TRAF3: variants seen among roughly 807,000 people sequenced by gnomAD.
TRAF3 encodes TNF receptor associated factor 3, also known as TNF receptor-associated factor 3.
A neutral mutation model predicts 62.3 loss-of-function variants in TRAF3; 13 were observed. The observed-to-expected ratio is 0.21, with a 90% CI of 0.14 to 0.33. TRAF3 has a LOEUF of 0.33. Among genes scored for constraint, TRAF3 ranks in the 10% least tolerant of loss-of-function variants. The pLI is 1.00. For synonymous variants in TRAF3, 269 were observed against 283.4 expected (o/e 0.95, Z 0.51); for missense variants, 440 against 741.8 (o/e 0.59, Z 4.73).
intron 9 of TRAF3, among the ~76,000 whole-genome samples, chr14:102,894,909 C>T (rs562155124): frequency 6.6e-6 from 1 of 152,212 alleles, no homozygotes; most frequent in East Asian, 1.9e-4. Flanking sequence ...TGTTGTTATC[C>T]AGGCTGGTCT....
At position 102,905,654 on chromosome 14, in the gene TRAF3, G is replaced by A; in HGVS notation, c.1577G>A (p.Gly526Glu). 6.2e-7 allele frequency: 1 copy of A among 1,613,856 alleles called. No individual in the cohort carries two copies. Among genetic ancestry groups the A allele is most frequent in the Non-Finnish European group, 8.5e-7 (1 of 1,179,762 alleles). The change falls in exon 12 of 12, where the codon GGA becomes GAA. Residue 526 changes from glycine (G) to glutamate (E), a missense_variant. Coordinates refer to ENST00000392745, the MANE Select transcript of TRAF3 (RefSeq NM_145725.3). ...PNSSSFKKPT[G>E]EMNIASGCPV... The stretch of plus-strand genomic sequence containing the variant: ...AGCAGCAGCTTCAAGAAGCCCACTG[G>A]AGAGATGAATATCGCCTCTGGCTGC...
chr14:102,813,738 A>C (rs1396760868), intron 1 of TRAF3, among the ~76,000 whole-genome samples: 1 of 150,956 alleles, frequency 6.6e-6, no homozygotes, highest in Non-Finnish European at 1.5e-5. Flanking sequence ...GGCGTGAGCC[A>C]CCCACCTGGC....
intron 10 of TRAF3, among the ~76,000 whole-genome samples, chr14:102,897,864 C>A (rs755869756): frequency 6.6e-5 from 10 of 152,240 alleles, no homozygotes; most frequent in Non-Finnish European, 1.3e-4. Flanking sequence ...TCCACACGCA[C>A]CTCCAGAAGA....
chr14:102,834,742 ATC>A (rs1885886397), intron 2 of TRAF3, among the ~76,000 whole-genome samples: 1 of 151,842 alleles, frequency 6.6e-6, no homozygotes, highest in African/African-American at 2.4e-5. Flanking sequence ...ATGCACAAAA[ATC>A]AACAAAAGAT....
chr14:102,813,772 ATT>A (rs925252365), intron 1 of TRAF3, among the ~76,000 whole-genome samples: 2 of 145,138 alleles, frequency 1.4e-5, no homozygotes, highest in South Asian at 2.2e-4. Context: ...TTTTAATTGG[ATT>A]TTTTTTTTTT....
At position 102,910,231 on chromosome 14, in the gene TRAF3, C is replaced by G. The variant is rs1464612524; in HGVS notation, c.*4447C>G. On this transcript the variant is annotated 3_prime_UTR_variant, in exon 12 of 12. Transcript: ENST00000392745. ...GGGTAATTTGTGTGTCAGAAGGGCTCTGGCAGAGCTGTAAAATACTGTTTT... is the reference window on the plus strand; with the variant it reads ...GGGTAATTTGTGTGTCAGAAGGGCTGTGGCAGAGCTGTAAAATACTGTTTT... 2.0e-5 allele frequency: 3 copies of G among 152,238 alleles called. No homozygotes were observed. The highest frequency in any genetic ancestry group is 2.9e-5 in the Non-Finnish European group (2 of 68,046). 9.4% of individuals were successfully genotyped at this position (152,238 alleles called of 1,614,324 possible). A position where few individuals can be genotyped will look rare whatever the true frequency, so the allele number is the denominator to read the frequency against.
At chr14:102,850,269 T>C (rs1172825409) in intron 2 of TRAF3, among the ~76,000 whole-genome samples, 1 of 152,118 alleles carries the variant, frequency 6.6e-6, no homozygotes, top group African/African-American at 2.4e-5. Flanking sequence ...ATGAAAGAAT[T>C]TTCTTAAATA....
chr14:102,895,886 C>G (rs1240343848), intron 9 of TRAF3, among the ~76,000 whole-genome samples: 1 of 152,134 alleles, frequency 6.6e-6, no homozygotes, highest in Admixed American at 6.5e-5. Context: ...GAAGGGTATC[C>G]TCAGGCATCA....
chr14:102,892,439 G>A (rs1352644409), intron 9 of TRAF3, among the ~76,000 whole-genome samples: 3 of 152,236 alleles, frequency 2.0e-5, no homozygotes, highest in African/African-American at 7.2e-5. Flanking sequence ...CTGGTTCTCA[G>A]TGGAGTTTGT....
intron 1 of TRAF3, among the ~76,000 whole-genome samples, chr14:102,803,001 G>GA (rs1166902960): frequency 2.0e-5 from 3 of 152,156 alleles, no homozygotes; most frequent in Admixed American, 1.3e-4. Context: ...AGCAAAGGGG[G>GA]AAAAGCCCCT....
chr14:102,868,032 G>T (rs1037948493), intron 2 of TRAF3, among the ~76,000 whole-genome samples: 1 of 152,244 alleles, frequency 6.6e-6, no homozygotes, highest in African/African-American at 2.4e-5. Context: ...CAAGAACGGG[G>T]CTCGGAAGCA....
intron 1 of TRAF3, among the ~76,000 whole-genome samples, chr14:102,782,778 G>A (rs1037486495): frequency 2.0e-5 from 3 of 151,634 alleles, no homozygotes; most frequent in Non-Finnish European, 4.4e-5. Context: ...AAGATATGGC[G>A]ACCTGCTGCT....
intron 2 of TRAF3, among the ~76,000 whole-genome samples, chr14:102,833,994 G>GC (rs1555369926): frequency 6.7e-6 from 1 of 150,000 alleles, no homozygotes; most frequent in East Asian, 2.0e-4. Flanking sequence ...GTCTCGGGGG[G>GC]AAAAAAAAGA....
In TRAF3 at chr14:102,846,274, C is replaced by T. The variant is rs557025466; in HGVS notation, c.-18+15802C>T. Reference sequence around the variant, plus strand: ...ATATTTGCTCCAAAGCAGAGACCACCCTCGGGGATGAGAATGGATAACTAA... The same window carrying T: ...ATATTTGCTCCAAAGCAGAGACCACTCTCGGGGATGAGAATGGATAACTAA... On this transcript the variant is annotated intron_variant, in intron 2 of 11. Coordinates refer to ENST00000392745, the MANE Select transcript of TRAF3 (RefSeq NM_145725.3). Among the ~76,000 whole-genome samples the T allele has an allele frequency of 6.7e-4, 102 of 152,108 alleles. 1 individual carries two copies. The highest frequency in any genetic ancestry group is 2.4e-3 in the African/African-American group (98 of 41,484).
intron 1 of TRAF3, among the ~76,000 whole-genome samples, chr14:102,792,112 A>C (rs1467720380): frequency 1.1e-4 from 5 of 43,524 alleles, no homozygotes; most frequent in Non-Finnish European, 1.8e-4. Flanking sequence ...CTGTGCCTGG[A>C]CTTTTTTTTT....
chr14:102,805,679 C>T (rs1304890303), intron 1 of TRAF3, among the ~76,000 whole-genome samples: 2 of 152,180 alleles, frequency 1.3e-5, no homozygotes, highest in Non-Finnish European at 2.9e-5. Flanking sequence ...TACCTGGCTA[C>T]GTTTTCCTGT....
intron 1 of TRAF3, among the ~76,000 whole-genome samples, chr14:102,807,819 G>A (rs1595306082): frequency 6.6e-6 from 1 of 152,320 alleles, no homozygotes; most frequent in Non-Finnish European, 1.5e-5. Flanking sequence ...AGAAAGGTAG[G>A]CGCATAGTGA....
chr14:102,905,844 C>G lies in TRAF3; in HGVS notation c.*60C>G, dbSNP rs1890560421. The G allele has an allele frequency of 6.8e-7, 1 of 1,466,826 alleles. No individual in the cohort carries two copies. Among genetic ancestry groups the G allele is most frequent in the Non-Finnish European group, 9.4e-7 (1 of 1,062,182 alleles). The allele number at this position is 1,466,826 out of a possible 1,614,324, so 90.9% of individuals were successfully genotyped here. ...ACTCCTCTGGGGGATTTGAACCGGTCTGTCTTCACTGAGGTCCTCGCGCTC... is the reference window on the plus strand; with the variant it reads ...ACTCCTCTGGGGGATTTGAACCGGTGTGTCTTCACTGAGGTCCTCGCGCTC... On this transcript the variant is annotated 3_prime_UTR_variant, in exon 12 of 12. Coordinates refer to ENST00000392745, the MANE Select transcript of TRAF3 (RefSeq NM_145725.3).
At chr14:102,884,822 A>G (rs1468825841) in intron 6 of TRAF3, among the ~76,000 whole-genome samples, 2 of 152,138 alleles carry the variant, frequency 1.3e-5, no homozygotes, top group Admixed American at 6.5e-5. Flanking sequence ...AAAAAAAAAA[A>G]AAGAAAAAGC....
Sources: gnomAD v4.1 joint callset for allele counts (sites outside exome capture counted in the v4.1 genomes callset) on GRCh38, gnomAD v4.1.1 for gene constraint, MANE v1.5 for transcripts, NCBI Gene and HGNC (gene_info 2026-07-23, HGNC 2026-07-21) for gene names.